LPP: variants seen among roughly 807,000 people sequenced by gnomAD.
The protein encoded by LPP is lipoma-preferred partner.
A neutral mutation model predicts 60.4 loss-of-function variants in LPP; 38 were observed. The observed-to-expected ratio is 0.63, with a 90% CI of 0.49 to 0.83. The LOEUF is 0.83. Ranked by LOEUF, LPP falls within the 40% of genes least tolerant of loss-of-function variation. LPP has a pLI of 0.00. For missense variants in LPP, 902 were observed against 783.6 expected, an observed-to-expected ratio of 1.15 and a Z score of -1.80; for synonymous variants, 328 against 290.8, an observed-to-expected ratio of 1.13 and a Z score of -1.30.
intron 7 of LPP, among the ~76,000 whole-genome samples, chr3:188,619,317 G>A (rs1030068209): frequency 1.3e-5 from 2 of 152,142 alleles, no homozygotes; most frequent in African/African-American, 4.8e-5. Context: ...GAGCCACCAC[G>A]CCTGGACAGA....
chr3:188,699,013 C>G (rs1260227244), intron 7 of LPP, among the ~76,000 whole-genome samples: 2 of 152,176 alleles, frequency 1.3e-5, no homozygotes, highest in African/African-American at 2.4e-5. Flanking sequence ...AGAAAATCAT[C>G]TTTGTTAGTG....
At position 188,866,110 on chromosome 3, in the gene LPP, C is replaced by G. The variant is rs1766521375; in HGVS notation, c.1411-90C>G. 11 of 1,090,050 alleles carry G rather than the reference C, an allele frequency of 1.0e-5. No homozygotes were observed. The Middle Eastern group carries it at 7.1e-4, about 71-fold the overall frequency. 67.5% of individuals were successfully genotyped at this position (1,090,050 alleles called of 1,614,324 possible). A position where few individuals can be genotyped will look rare whatever the true frequency, so the allele number is the denominator to read the frequency against. The stretch of plus-strand genomic sequence containing the variant: ...CTTCCTTAGAGTGGTGTGATAAGGA[C>G]CTGAGACAATCTGTTTTGTAAAGAT... On this transcript the variant is annotated intron_variant, in intron 9 of 11. Transcript: ENST00000617246.
intron 2 of LPP, among the ~76,000 whole-genome samples, chr3:188,329,325 T>A (rs965763737): frequency 6.6e-6 from 1 of 152,216 alleles, no homozygotes; most frequent in African/African-American, 2.4e-5. Flanking sequence ...AATTTAAAGG[T>A]AACTCAAGGA....
intron 3 of LPP, among the ~76,000 whole-genome samples, chr3:188,371,915 C>T (rs887340215): frequency 1.3e-5 from 2 of 151,420 alleles, no homozygotes; most frequent in Non-Finnish European, 2.9e-5. Context: ...GTCTTGGCTT[C>T]CCAAACTGCT....
chr3:188,602,437 A>T (rs1192509138), intron 6 of LPP, among the ~76,000 whole-genome samples: 2 of 151,726 alleles, frequency 1.3e-5, no homozygotes, highest in Admixed American at 6.6e-5. Context: ...TATAACTGAA[A>T]TAGGTTAGCT....
chr3:188,850,040 G>A (rs1046794887), intron 9 of LPP, among the ~76,000 whole-genome samples: 1 of 152,230 alleles, frequency 6.6e-6, no homozygotes, highest in Non-Finnish European at 1.5e-5. Flanking sequence ...ATGGATGCCT[G>A]AGCCCCAGCC....
chr3:188,702,831 A>G (rs1030360991), intron 7 of LPP, among the ~76,000 whole-genome samples: 5 of 152,190 alleles, frequency 3.3e-5, no homozygotes, highest in African/African-American at 1.2e-4. Context: ...CTTTGCTTAG[A>G]TAATAGACTC....
In LPP at chr3:188,623,649, A is replaced by G. The variant is rs557968888; in HGVS notation, c.1113+13805A>G. On this transcript the variant is annotated intron_variant, in intron 7 of 11. Coordinates refer to ENST00000617246, the MANE Select transcript of LPP (RefSeq NM_001375462.1). ...TGAAGACTGCATGCCTCAAGTTTAT[A>G]CCCATTATACTACACTGCCTGCTTG... Among the ~76,000 whole-genome samples the G allele has an allele frequency of 3.6e-4, 55 of 152,298 alleles. 1 individual carries two copies. The highest frequency in any genetic ancestry group is 6.0e-4 in the Non-Finnish European group (41 of 68,022).
At chr3:188,586,732 G>GTT (rs11390616) in intron 6 of LPP, among the ~76,000 whole-genome samples, 80,689 of 144,334 alleles carry the variant, frequency 0.56, 23,286 homozygotes, top group East Asian at 0.86. Context: ...CTTAAACATT[G>GTT]TTTTTTTTTT....
chr3:188,659,810 G>GCACACACA (rs139762080), intron 7 of LPP, among the ~76,000 whole-genome samples: 1,982 of 128,564 alleles, frequency 0.015, 36 homozygotes, highest in African/African-American at 0.047. Context: ...TAGATCCTAT[G>GCACACACA]CACACACACA....
At chr3:188,515,561 G>C (rs1817113686) in intron 5 of LPP, among the ~76,000 whole-genome samples, 1 of 152,054 alleles carries the variant, frequency 6.6e-6, no homozygotes, top group Admixed American at 6.6e-5. Context: ...CTTATTTCTT[G>C]TTTATTTAAT....
At chr3:188,199,078 C>T (rs1391209894) in intron 1 of LPP, among the ~76,000 whole-genome samples, 2 of 152,140 alleles carry the variant, frequency 1.3e-5, no homozygotes, top group Non-Finnish European at 1.5e-5. Flanking sequence ...TATGGTTGCT[C>T]ACTCACTCAC....
rs540064419 is a variant in LPP, at chr3:188,778,908, A to C, written c.1410+18626A>C. Among the ~76,000 whole-genome samples the C allele has an allele frequency of 2.7e-3, 406 of 152,316 alleles. 1 individual carries two copies. Among genetic ancestry groups the C allele is most frequent in the African/African-American group, 9.6e-3 (400 of 41,576 alleles). ...ATAACAATATAAATGGGACAAGCAAAGAGAAACTGTAATTTGAAGATTTTT... is the reference window on the plus strand; with the variant it reads ...ATAACAATATAAATGGGACAAGCAACGAGAAACTGTAATTTGAAGATTTTT... On this transcript the variant is annotated intron_variant, in intron 9 of 11. Coordinates refer to ENST00000617246, the MANE Select transcript of LPP (RefSeq NM_001375462.1).
In LPP at chr3:188,609,076, A is replaced by C; in HGVS notation, c.430-85A>C. ...AATAAATAATAATTAGCAGTTATTA[A>C]TATTTTTCATTTATTCATTTTTATT... On this transcript the variant is annotated intron_variant, in intron 6 of 11. Coordinates refer to ENST00000617246, the MANE Select transcript of LPP (RefSeq NM_001375462.1). This position sits in a 1 kb window ranked among gnomAD's most constrained non-coding sequence, Gnocchi z 6.9. 1 of 971,318 alleles carries C rather than the reference A, an allele frequency of 1.0e-6. No individual in the cohort carries two copies. The highest frequency in any genetic ancestry group is 1.5e-6 in the Non-Finnish European group (1 of 648,410). The allele number at this position is 971,318 out of a possible 1,614,324, so 60.2% of individuals were successfully genotyped here.
chr3:188,201,118 T>C, intron 1 of LPP, among the ~76,000 whole-genome samples: 1 of 152,192 alleles, frequency 6.6e-6, no homozygotes, highest in East Asian at 1.9e-4. Context: ...CAAAATTTCT[T>C]CACAAACATT....
chr3:188,434,180 A>G (rs1163838562), intron 4 of LPP, among the ~76,000 whole-genome samples: 2 of 152,164 alleles, frequency 1.3e-5, no homozygotes, highest in African/African-American at 2.4e-5. Context: ...TGACTTTCGA[A>G]CTTTGTTTTT....
At chr3:188,715,406 A>G (rs368363133) in intron 8 of LPP, among the ~76,000 whole-genome samples, 7,427 of 139,744 alleles carry the variant, frequency 0.053, 291 homozygotes, top group Non-Finnish European at 0.086. Context: ...AAAAAAAAAA[A>G]GGAACATGGG....
At chr3:188,450,617 C>T (rs552438839) in intron 4 of LPP, among the ~76,000 whole-genome samples, 4 of 151,954 alleles carry the variant, frequency 2.6e-5, no homozygotes, top group Admixed American at 1.3e-4. Flanking sequence ...TGGTGGCAAG[C>T]GCCTGTAATC....
At chr3:188,826,388 C>T (rs890400971) in intron 9 of LPP, among the ~76,000 whole-genome samples, 1 of 152,146 alleles carries the variant, frequency 6.6e-6, no homozygotes, top group Admixed American at 6.6e-5. Context: ...AGGGTCTCAT[C>T]TGGAAAGTTC....
Sources: gnomAD v4.1 joint callset for allele counts (sites outside exome capture counted in the v4.1 genomes callset) on GRCh38, gnomAD v4.1.1 for gene constraint, Gnocchi (gnomAD v3.1) non-coding constraint, MANE v1.5 for transcripts, NCBI Gene and HGNC (gene_info 2026-07-23, HGNC 2026-07-21) for gene names.